KDM2A: variants seen among roughly 807,000 people sequenced by gnomAD.
KDM2A encodes lysine demethylase 2A.
A neutral mutation model predicts 137.3 loss-of-function variants in KDM2A; 3 were observed. The observed-to-expected ratio is 0.02, with a 90% confidence interval of 0.01 to 0.06. The LOEUF (loss-of-function observed/expected upper bound fraction) is 0.06, where lower values mean the gene tolerates loss of function less well. Ranked by LOEUF, KDM2A falls within the 10% of genes least tolerant of loss-of-function variation. KDM2A has a pLI of 1.00. For missense variants in KDM2A, 738 were observed against 1,510.6 expected, an observed-to-expected ratio of 0.49 and a Z score of 8.48; for synonymous variants, 512 against 541.5, an observed-to-expected ratio of 0.95 and a Z score of 0.76.
At chr11:67,171,299 G>A (rs957856140) in intron 2 of KDM2A, among the ~76,000 whole-genome samples, 6 of 152,186 alleles carry the variant, frequency 3.9e-5, no homozygotes, top group Non-Finnish European at 5.9e-5. Context: ...ACGAGGCCGA[G>A]TCTGAAATTA....
rs546704728 is a variant in KDM2A, at chr11:67,255,570, G to T, written c.*515G>T. On this transcript the variant is annotated 3_prime_UTR_variant, in exon 21 of 21. Transcript: ENST00000529006. ...CAGCAGCCCCAGGAGTCCCAGACCC[G>T]TGCCGATCACACTGGTGCTGTTGAG... The T allele has an allele frequency of 4.4e-6, 2 of 456,752 alleles. No individual in the cohort carries two copies. The highest frequency in any genetic ancestry group is 3.1e-5 in the South Asian group (2 of 64,562). 28.3% of individuals were successfully genotyped at this position (456,752 alleles called of 1,614,324 possible). A position where few individuals can be genotyped will look rare whatever the true frequency, so the allele number is the denominator to read the frequency against.
rs1859541967 is a variant in KDM2A at position 67,254,567 on chromosome 11, T to TCCCTTTTCTA, written c.3307+156_3307+157insCTACCCTTTT. ...ATCTGGACAAGGACATGGATTTCTA[T>TCCCTTTTCTA]CCCTTTTTTAACTGATGGGGGACTG... On this transcript the variant is annotated intron_variant, in intron 20 of 20. Transcript: ENST00000529006. This position sits in a 1 kb window ranked among gnomAD's most constrained non-coding sequence, Gnocchi z 4.7. The TCCCTTTTCTA allele has an allele frequency of 1.4e-6, 1 of 737,646 alleles. No individual in the cohort carries two copies. The highest frequency in any genetic ancestry group is 2.6e-5 in the East Asian group (1 of 37,778). The allele number at this position is 737,646 out of a possible 1,614,324, so 45.7% of individuals were successfully genotyped here.
At position 67,167,010 on chromosome 11, in the gene KDM2A, G is replaced by A. The variant is rs999719719; in HGVS notation, c.43-13069G>A. On this transcript the variant is annotated intron_variant, in intron 2 of 20. Coordinates refer to ENST00000529006, the MANE Select transcript of KDM2A (RefSeq NM_012308.3). ...GGAGAATCACTTGAACCTGGGAGAC[G>A]GAGGTTGCAGTGAATTGAGATCATA... Among the ~76,000 whole-genome samples, 7 of 152,124 alleles carry A rather than the reference G, an allele frequency of 4.6e-5. No homozygotes were observed. In the South Asian group the frequency reaches 6.2e-4, roughly 13 times the overall value.
intron 2 of KDM2A, among the ~76,000 whole-genome samples, chr11:67,168,753 A>G (rs1422665901): frequency 6.6e-6 from 1 of 152,046 alleles, no homozygotes; most frequent in African/African-American, 2.4e-5. Context: ...AAAGGTTGCA[A>G]AGAAGAAAAT....
At chr11:67,143,052 G>C (rs1475552112) in intron 2 of KDM2A, among the ~76,000 whole-genome samples, 2 of 103,632 alleles carry the variant, frequency 1.9e-5, no homozygotes, top group East Asian at 2.8e-4. Flanking sequence ...ATGGAATCTT[G>C]CTCTTGTCGC....
intron 5 of KDM2A, among the ~76,000 whole-genome samples, chr11:67,187,774 A>G (rs1432588629): frequency 6.6e-6 from 1 of 152,066 alleles, no homozygotes; most frequent in Non-Finnish European, 1.5e-5. Flanking sequence ...GGGTTTTGCC[A>G]TGTTGGCCAG....
intron 12 of KDM2A, among the ~76,000 whole-genome samples, chr11:67,233,394 C>A (rs541381131): frequency 7.0e-6 from 1 of 143,566 alleles, no homozygotes; most frequent in South Asian, 2.4e-4. Flanking sequence ...TGTCTCATGC[C>A]TGTAATCCCA....
intron 2 of KDM2A, among the ~76,000 whole-genome samples, chr11:67,131,442 G>A (rs1325780687): frequency 2.9e-5 from 4 of 136,366 alleles, no homozygotes; most frequent in Non-Finnish European, 6.1e-5. Context: ...ATGGAATTTC[G>A]CTCTTGTCGC....
chr11:67,133,652 C>G (rs182881077), intron 2 of KDM2A, among the ~76,000 whole-genome samples: 1 of 152,242 alleles, frequency 6.6e-6, no homozygotes, highest in Admixed American at 6.5e-5. Flanking sequence ...ATCTGCCCAC[C>G]TCGGCCTCCC....
chr11:67,144,718 G>A (rs1384730837), intron 2 of KDM2A, among the ~76,000 whole-genome samples: 2 of 151,096 alleles, frequency 1.3e-5, no homozygotes, highest in African/African-American at 2.4e-5. Context: ...CACGCACCAC[G>A]AAGCCCAGCT....
chr11:67,181,359 A>T lies in KDM2A; in HGVS notation c.221A>T (p.Asp74Val), dbSNP rs1857087916. The T allele has an allele frequency of 6.2e-7, 1 of 1,612,286 alleles. No homozygotes were observed. Among genetic ancestry groups the T allele is most frequent in the Non-Finnish European group, 8.5e-7 (1 of 1,179,074 alleles). ...VEYIQRGGLR[D>V]PLIFKNSDGL... ...TATATTCAGCGGGGTGGCTTGAGAGATCCTCTGATTTTCAAGAATTCTGAT... is the reference window on the plus strand; with the variant it reads ...TATATTCAGCGGGGTGGCTTGAGAGTTCCTCTGATTTTCAAGAATTCTGAT... The change falls in exon 4 of 21, where the codon GAT becomes GTT. Residue 74 changes from aspartate (D) to valine (V), a missense_variant. This residue lies in a region of KDM2A where 74 missense variants were observed against 181.8 expected (regional missense o/e 0.41). Coordinates refer to ENST00000529006, the MANE Select transcript of KDM2A (RefSeq NM_012308.3).
chr11:67,157,779 G>T (rs1347201500), intron 2 of KDM2A, among the ~76,000 whole-genome samples: 1 of 150,186 alleles, frequency 6.7e-6, no homozygotes, highest in Non-Finnish European at 1.5e-5. Context: ...CATTAGTGTT[G>T]TACATTTGTT....
At chr11:67,139,878 T>G (rs1185870439) in intron 2 of KDM2A, among the ~76,000 whole-genome samples, 1 of 152,072 alleles carries the variant, frequency 6.6e-6, no homozygotes, top group African/African-American at 2.4e-5. Context: ...CTGGCTATTT[T>G]TGTATTTTTT....
intron 2 of KDM2A, among the ~76,000 whole-genome samples, chr11:67,162,116 A>G (rs1239456209): frequency 2.0e-5 from 3 of 152,140 alleles, no homozygotes; most frequent in Non-Finnish European, 4.4e-5. Flanking sequence ...GCTCCCTAAG[A>G]AATATAATGA....
intron 2 of KDM2A, among the ~76,000 whole-genome samples, chr11:67,155,059 G>C (rs1856482611): frequency 6.6e-6 from 1 of 152,188 alleles, no homozygotes; most frequent in Non-Finnish European, 1.5e-5. Flanking sequence ...CTGTCACTCA[G>C]GTTGGAGTGC....
chr11:67,193,603 G>A (rs1351106719), intron 5 of KDM2A, among the ~76,000 whole-genome samples: 1 of 152,064 alleles, frequency 6.6e-6, no homozygotes, highest in Non-Finnish European at 1.5e-5. Context: ...GCTCACGCCT[G>A]TAATCCCGGC....
At chr11:67,195,987 T>G in intron 5 of KDM2A, 1 of 435,938 alleles carries the variant, frequency 2.3e-6, no homozygotes. Flanking sequence ...TTGTGATTTC[T>G]TCAAACTTAT....
chr11:67,167,389 C>G (rs1260816396), intron 2 of KDM2A, among the ~76,000 whole-genome samples: 2 of 152,106 alleles, frequency 1.3e-5, no homozygotes, highest in Admixed American at 6.6e-5. Flanking sequence ...TGGGAGAGAT[C>G]TAGCACTTTT....
chr11:67,219,163 T>G, intron 9 of KDM2A, 125 bp from the exon 10 acceptor site: 1 of 441,836 alleles, frequency 2.3e-6, no homozygotes, highest in Non-Finnish European at 4.1e-6. Flanking sequence ...TTAAGTAACT[T>G]GACAAACCAC....
Sources: gnomAD v4.1 joint callset for allele counts (sites outside exome capture counted in the v4.1 genomes callset) on GRCh38, gnomAD v4.1.1 for gene constraint, gnomAD v4.1.1 regional missense constraint, Gnocchi (gnomAD v3.1) non-coding constraint, MANE v1.5 for transcripts, NCBI Gene and HGNC (gene_info 2026-07-23, HGNC 2026-07-21) for gene names.